EYS: variants seen among roughly 807,000 people sequenced by gnomAD.
EYS encodes EGF-like photoreceptor maintenance factor.
EYS carries 250 observed loss-of-function variants against 282.1 expected under a neutral mutation model. The observed-to-expected ratio is 0.89, with a 90% CI of 0.80 to 0.98. The LOEUF is 0.98. EYS is among the 50% of genes least tolerant of loss of function. The pLI is 0.00. For synonymous variants in EYS, 1,355 were observed against 1,282.9 expected (o/e 1.06, Z -1.20); for missense variants, 4,016 against 3,709.0 (o/e 1.08, Z -2.15).
At chr6:64,883,013 C>A (rs1023098442) in intron 19 of EYS, among the ~76,000 whole-genome samples, 4 of 151,372 alleles carry the variant, frequency 2.6e-5, no homozygotes, top group African/African-American at 9.7e-5. Flanking sequence ...GTATGAGGAT[C>A]AGTACTTGCA....
intron 26 of EYS, among the ~76,000 whole-genome samples, chr6:64,583,250 A>C (rs991340401): frequency 2.0e-5 from 3 of 152,106 alleles, no homozygotes; most frequent in Non-Finnish European, 4.4e-5. Context: ...TGGTTTATAA[A>C]ATGTAAATAT....
At chr6:64,022,632 T>G (rs894086310) in intron 33 of EYS, among the ~76,000 whole-genome samples, 1 of 152,302 alleles carries the variant, frequency 6.6e-6, no homozygotes, top group East Asian at 1.9e-4. Context: ...ACATAACATT[T>G]CTTCAAGAAT....
chr6:64,117,827 T>C (rs1162589178), intron 31 of EYS, among the ~76,000 whole-genome samples: 1 of 151,992 alleles, frequency 6.6e-6, no homozygotes, highest in Non-Finnish European at 1.5e-5. Flanking sequence ...CCAAAACCTC[T>C]TAGAACTGAC....
At chr6:64,113,647 A>G (rs917389519) in intron 31 of EYS, among the ~76,000 whole-genome samples, 2 of 152,192 alleles carry the variant, frequency 1.3e-5, no homozygotes, top group African/African-American at 2.4e-5. Flanking sequence ...GAGGGTAAGG[A>G]ATTGGCAGTT....
At chr6:64,786,070 G>T (rs899158070) in intron 22 of EYS, among the ~76,000 whole-genome samples, 3 of 152,066 alleles carry the variant, frequency 2.0e-5, no homozygotes, top group Admixed American at 2.0e-4. Context: ...TAGGCTGAGA[G>T]AAAAATGGAA....
chr6:65,206,493 C>A (rs1213508588), intron 12 of EYS, among the ~76,000 whole-genome samples: 1 of 151,678 alleles, frequency 6.6e-6, no homozygotes, highest in Admixed American at 6.6e-5. Flanking sequence ...TGCAACTATT[C>A]CAAAAATTTG....
intron 22 of EYS, among the ~76,000 whole-genome samples, chr6:64,704,325 AAT>A (rs752868263): frequency 6.2e-4 from 64 of 103,136 alleles, no homozygotes; most frequent in Non-Finnish European, 1.1e-3. Flanking sequence ...ACTATATATA[AAT>A]ATATATACAT....
intron 33 of EYS, among the ~76,000 whole-genome samples, chr6:64,050,693 C>G (rs1037326999): frequency 6.6e-6 from 1 of 152,286 alleles, no homozygotes; most frequent in Non-Finnish European, 1.5e-5. Context: ...GCATGCTGCT[C>G]TCTCAGCTAG....
intron 31 of EYS, among the ~76,000 whole-genome samples, chr6:64,156,030 G>C (rs1298375411): frequency 6.6e-6 from 1 of 150,726 alleles, no homozygotes; most frequent in Non-Finnish European, 1.5e-5. Flanking sequence ...TTATGTGTGT[G>C]TGTGTGTGTG....
At chr6:64,183,182 C>T (rs949758095) in intron 31 of EYS, among the ~76,000 whole-genome samples, 2 of 152,144 alleles carry the variant, frequency 1.3e-5, no homozygotes, top group Admixed American at 6.5e-5. Context: ...TTTGCTTCCC[C>T]TTCCACTATG....
chr6:64,172,881 G>A (rs1764523274), intron 31 of EYS, among the ~76,000 whole-genome samples: 1 of 152,164 alleles, frequency 6.6e-6, no homozygotes, highest in East Asian at 1.9e-4. Flanking sequence ...CTGATGATCT[G>A]AGCTTGTTTC....
intron 22 of EYS, among the ~76,000 whole-genome samples, chr6:64,661,282 C>T (rs892759726): frequency 5.3e-5 from 8 of 152,122 alleles, no homozygotes; most frequent in African/African-American, 1.7e-4. Flanking sequence ...ACCATAAAAA[C>T]CCTAGAAGAA....
chr6:64,676,810 C>T (rs1252840929), intron 22 of EYS, among the ~76,000 whole-genome samples: 1 of 152,146 alleles, frequency 6.6e-6, no homozygotes, highest in Non-Finnish European at 1.5e-5. Context: ...GGAGCTCTCT[C>T]TGGTCTTTCA....
At chr6:64,930,671 A>C (rs1768690124) in intron 15 of EYS, among the ~76,000 whole-genome samples, 1 of 152,132 alleles carries the variant, frequency 6.6e-6, no homozygotes, top group African/African-American at 2.4e-5. Context: ...TCATGATTTA[A>C]GGTATTTATT....
At chr6:64,768,821 A>G (rs1773434028) in intron 22 of EYS, among the ~76,000 whole-genome samples, 1 of 152,146 alleles carries the variant, frequency 6.6e-6, no homozygotes, top group Non-Finnish European at 1.5e-5. Flanking sequence ...CAGGCTGTTT[A>G]TAATCATATC....
intron 28 of EYS, among the ~76,000 whole-genome samples, chr6:64,415,051 A>T (rs551239430): frequency 1.3e-4 from 20 of 152,310 alleles, no homozygotes; most frequent in South Asian, 1.0e-3. Flanking sequence ...ATCCAGTGCA[A>T]AAATGCAACA....
chr6:64,456,670 T>C (rs183814007), intron 26 of EYS, among the ~76,000 whole-genome samples: 3 of 151,212 alleles, frequency 2.0e-5, no homozygotes, highest in African/African-American at 7.4e-5. Flanking sequence ...ATAAAGTGGG[T>C]TTTTTTGCAG....
At chr6:64,949,506 A>G (rs1220661903) in intron 14 of EYS, among the ~76,000 whole-genome samples, 1 of 151,912 alleles carries the variant, frequency 6.6e-6, no homozygotes, top group East Asian at 1.9e-4. Flanking sequence ...GGACAACAGG[A>G]GAATCTCTGC....
intron 12 of EYS, among the ~76,000 whole-genome samples, chr6:65,183,113 T>G (rs1353545213): frequency 6.6e-6 from 1 of 152,020 alleles, no homozygotes; most frequent in East Asian, 1.9e-4. Context: ...TTCTTTCATC[T>G]GCATTTATGT....
Sources: gnomAD v4.1 joint callset for allele counts (sites outside exome capture counted in the v4.1 genomes callset) on GRCh38, gnomAD v4.1.1 for gene constraint, MANE v1.5 for transcripts, NCBI Gene and HGNC (gene_info 2026-07-23, HGNC 2026-07-21) for gene names.